The following DNAH8 variants were observed in gnomAD, a reference collection of about 807,000 sequenced individuals.
DNAH8 encodes the protein axonemal beta dynein heavy chain 8.
DNAH8 carries 382 observed loss-of-function variants against 562.1 expected under a neutral mutation model. That is an observed-to-expected ratio of 0.68 (90% CI 0.63 to 0.74). The LOEUF is 0.74. Ranked by LOEUF, DNAH8 falls within the 30% of genes least tolerant of loss-of-function variation. DNAH8 has a pLI of 0.00. For synonymous variants in DNAH8, 1,881 were observed against 1,919.4 expected (o/e 0.98, Z 0.52); for missense variants, 5,203 against 5,620.4 (o/e 0.93, Z 2.37).
At chr6:38,821,422 C>CT (rs1489247675) in intron 26 of DNAH8, among the ~76,000 whole-genome samples, 2 of 152,166 alleles carry the variant, frequency 1.3e-5, no homozygotes, top group Non-Finnish European at 1.5e-5. Context: ...TATACAATCT[C>CT]TATCAAAATC....
At chr6:38,883,290 C>T in intron 54 of DNAH8, 32 bp from the exon 55 acceptor site, 1 of 1,566,448 alleles carries the variant, frequency 6.4e-7, no homozygotes. Flanking sequence ...TAAGTTGTAA[C>T]ACATTTCAAC....
intron 16 of DNAH8, 66 bp from the exon 17 acceptor site, chr6:38,782,938 T>C: frequency 1.4e-6 from 2 of 1,414,880 alleles, no homozygotes. Flanking sequence ...TATAAGTACT[T>C]TCATTATTTG....
intron 31 of DNAH8, among the ~76,000 whole-genome samples, chr6:38,833,125 T>C (rs9296264): frequency 0.29 from 44,570 of 152,012 alleles, 7,051 homozygotes; most frequent in East Asian, 0.56. Context: ...CTGATAATGT[T>C]GACCTTGAAG....
intron 75 of DNAH8, among the ~76,000 whole-genome samples, chr6:38,930,049 A>G (rs1782439459): frequency 6.6e-6 from 1 of 152,136 alleles, no homozygotes. Context: ...TGCAAGCCTT[A>G]TATATATACA....
At position 38,973,749 on chromosome 6, in the gene DNAH8, A is replaced by G; in HGVS notation, c.12614A>G (p.Asp4205Gly). The G allele has an allele frequency of 6.2e-7, 1 of 1,609,960 alleles. No homozygotes were observed. The highest frequency in any genetic ancestry group is 8.5e-7 in the Non-Finnish European group (1 of 1,177,502). Residue 4205 changes from aspartate to glycine, a missense_variant, in exon 84 of 93, where the codon GAT (aspartate) becomes GGT (glycine). Transcript: ENST00000327475. ...LETLITTEAS[D>G]DSFRVWITTE... Reference sequence around the variant, plus strand: ...ACGCTAATTACCACTGAAGCCAGTGATGATTCTTTCCGAGTATGGATAACT... The same window carrying G: ...ACGCTAATTACCACTGAAGCCAGTGGTGATTCTTTCCGAGTATGGATAACT...
chr6:38,903,466 G>T (rs1001278541), intron 62 of DNAH8, among the ~76,000 whole-genome samples: 22 of 151,896 alleles, frequency 1.4e-4, no homozygotes, highest in African/African-American at 4.8e-4. Flanking sequence ...ATTCATGAGG[G>T]ATCTGCCTCC....
At chr6:38,909,092 A>G (rs917775590) in intron 64 of DNAH8, among the ~76,000 whole-genome samples, 4 of 152,186 alleles carry the variant, frequency 2.6e-5, no homozygotes, top group Non-Finnish European at 5.9e-5. Context: ...TGCCCTATAC[A>G]AGGAACTCAA....
chr6:38,835,742 C>T (rs867620931), intron 32 of DNAH8, among the ~76,000 whole-genome samples: 1 of 151,890 alleles, frequency 6.6e-6, no homozygotes, highest in South Asian at 2.1e-4. Flanking sequence ...TGGTGAGGAA[C>T]GAGGTGACAG....
intron 12 of DNAH8, among the ~76,000 whole-genome samples, chr6:38,770,821 C>G (rs1409284618): frequency 6.6e-6 from 1 of 152,152 alleles, no homozygotes; most frequent in Non-Finnish European, 1.5e-5. Flanking sequence ...TATGAAACTT[C>G]AACTTAAAAG....
intron 11 of DNAH8, among the ~76,000 whole-genome samples, chr6:38,765,084 C>T (rs143510313): frequency 4.5e-4 from 68 of 152,344 alleles, no homozygotes; most frequent in African/African-American, 1.6e-3. Flanking sequence ...GATCCTCCTG[C>T]CTCAGCCTCC....
At chr6:38,855,065 A>G (rs917016952) in intron 41 of DNAH8, among the ~76,000 whole-genome samples, 6 of 150,468 alleles carry the variant, frequency 4.0e-5, no homozygotes, top group African/African-American at 4.9e-5. Flanking sequence ...ATGTATGTGT[A>G]TATATACATG....
chr6:38,870,281 A>G, intron 48 of DNAH8, 120 bp from the exon 49 acceptor site: 2 of 865,888 alleles, frequency 2.3e-6, no homozygotes, highest in Non-Finnish European at 3.6e-6. Flanking sequence ...TACAAGCCTG[A>G]TTAGGAGAGT....
intron 63 of DNAH8, 66 bp downstream of exon 63, chr6:38,906,473 G>A: frequency 1.6e-6 from 2 of 1,276,490 alleles, no homozygotes; most frequent in Non-Finnish European, 2.1e-6. Flanking sequence ...AATAGAAAAA[G>A]CAGCAACCTT....
intron 91 of DNAH8, among the ~76,000 whole-genome samples, chr6:39,021,795 GAA>G (rs1766933619): frequency 6.6e-6 from 1 of 152,296 alleles, no homozygotes; most frequent in South Asian, 2.1e-4. Context: ...ATTTATTAAA[GAA>G]AAGAAAATGT....
chr6:39,016,506 G>A (rs1294874390), intron 91 of DNAH8, among the ~76,000 whole-genome samples: 5 of 149,854 alleles, frequency 3.3e-5, no homozygotes, highest in Non-Finnish European at 5.9e-5. Context: ...GGCCGAGATC[G>A]CGCCACTGCA....
At chr6:38,899,964 G>A (rs1186791651) in intron 62 of DNAH8, 58 bp downstream of exon 62, 2 of 1,376,610 alleles carry the variant, frequency 1.5e-6, no homozygotes, top group South Asian at 1.7e-5. Flanking sequence ...ATAGTTAAAT[G>A]TTTAGAAAAA....
intron 21 of DNAH8, among the ~76,000 whole-genome samples, chr6:38,801,538 A>G (rs1020042917): frequency 6.6e-6 from 1 of 152,216 alleles, no homozygotes; most frequent in African/African-American, 2.4e-5. Flanking sequence ...CATATGTCCA[A>G]TCTGCCATGA....
intron 29 of DNAH8, among the ~76,000 whole-genome samples, chr6:38,827,601 A>G (rs1290301975): frequency 6.6e-6 from 1 of 151,826 alleles, no homozygotes; most frequent in Non-Finnish European, 1.5e-5. Flanking sequence ...TAGCTAATGA[A>G]CTTTTTACTT....
chr6:38,870,363 CTGAA>C, intron 48 of DNAH8, 34 bp from the exon 49 acceptor site: 2 of 1,593,884 alleles, frequency 1.3e-6, no homozygotes, highest in Non-Finnish European at 1.7e-6. Context: ...TGTTTGTTGA[CTGAA>C]TGAGTAAATT....
Sources: gnomAD v4.1 joint callset for allele counts (sites outside exome capture counted in the v4.1 genomes callset) on GRCh38, gnomAD v4.1.1 for gene constraint, MANE v1.5 for transcripts, NCBI Gene and HGNC (gene_info 2026-07-23, HGNC 2026-07-21) for gene names.